The following ENTREP2 variants were observed in gnomAD, a reference collection of about 807,000 sequenced individuals.
ENTREP2 encodes endosomal transmembrane epsin interactor 2, also known as protein ENTREP2.
At chr15:29,296,079 C>T in the ENTREP2 span, among the ~76,000 whole-genome samples, 3 of 152,164 alleles carry the variant, frequency 2.0e-5, no homozygotes, top group Non-Finnish European at 4.4e-5. Context: ...GGCTTTGGAT[C>T]GAACTGTAAC....
At chr15:29,128,939 C>CTGCTGT in the ENTREP2 span, 1 of 984,110 alleles carries the variant, frequency 1.0e-6, no homozygotes, top group Non-Finnish European at 1.5e-6. Context: ...GTAGTGTAGG[C>CTGCTGT]GCTTAAACTT....
the ENTREP2 span, among the ~76,000 whole-genome samples, chr15:29,605,450 C>T: frequency 6.6e-5 from 10 of 152,184 alleles, no homozygotes; most frequent in African/African-American, 2.4e-4. Flanking sequence ...CTGAGTTTGT[C>T]TTATTTCACT....
At chr15:29,538,887 T>C in the ENTREP2 span, among the ~76,000 whole-genome samples, 1 of 152,180 alleles carries the variant, frequency 6.6e-6, no homozygotes, top group South Asian at 2.1e-4. Flanking sequence ...TTGTTCCTCC[T>C]TGGTCTAACA....
chr15:29,406,294 C>T, the ENTREP2 span, among the ~76,000 whole-genome samples: 1 of 152,146 alleles, frequency 6.6e-6, no homozygotes. Flanking sequence ...AGCCTGTAAT[C>T]CCAGCACTTT....
the ENTREP2 span, among the ~76,000 whole-genome samples, chr15:29,284,607 C>G: frequency 3.2e-4 from 48 of 151,274 alleles, no homozygotes; most frequent in African/African-American, 1.1e-3. Context: ...TATCACATTT[C>G]TCACCTGCAA....
chr15:29,306,663 AATTTTTTTTTTTTTT>A, the ENTREP2 span, among the ~76,000 whole-genome samples: 22 of 93,568 alleles, frequency 2.4e-4, no homozygotes, highest in South Asian at 2.3e-3. Context: ...AATAATTGGT[AATTTTTTTTTTTTTT>A]TTTTTTTTTT....
chr15:29,498,958 T>C, the ENTREP2 span, among the ~76,000 whole-genome samples: 1 of 152,196 alleles, frequency 6.6e-6, no homozygotes, highest in African/African-American at 2.4e-5. Context: ...CTGATATAAA[T>C]ATAGCTACCC....
At chr15:29,478,019 A>ATATATATT in the ENTREP2 span, among the ~76,000 whole-genome samples, 2 of 54,286 alleles carry the variant, frequency 3.7e-5, no homozygotes, top group African/African-American at 9.0e-5. Flanking sequence ...ATATATATAT[A>ATATATATT]TTTTTTTTTT....
At chr15:29,421,155 G>A in the ENTREP2 span, among the ~76,000 whole-genome samples, 1 of 152,228 alleles carries the variant, frequency 6.6e-6, no homozygotes, top group Non-Finnish European at 1.5e-5. Flanking sequence ...GCTGAGCTGA[G>A]TCAGTATTAC....
chr15:29,229,561 T>G, the ENTREP2 span, among the ~76,000 whole-genome samples: 1 of 152,200 alleles, frequency 6.6e-6, no homozygotes. Context: ...AACTAAAATG[T>G]CAAAGCAATC....
At chr15:29,415,836 A>AAAATCACAATGT in the ENTREP2 span, among the ~76,000 whole-genome samples, 23 of 152,328 alleles carry the variant, frequency 1.5e-4, no homozygotes, top group African/African-American at 5.3e-4. Flanking sequence ...AAAAATCACA[A>AAAATCACAATGT]GCATTCTTAT....
chr15:29,570,295 A>G, the ENTREP2 span, among the ~76,000 whole-genome samples: 4 of 151,460 alleles, frequency 2.6e-5, no homozygotes, highest in Admixed American at 2.6e-4. Context: ...GCGCAATAGG[A>G]GCGGGAACGC....
At chr15:29,650,311 G>A in the ENTREP2 span, among the ~76,000 whole-genome samples, 2 of 152,178 alleles carry the variant, frequency 1.3e-5, no homozygotes, top group Non-Finnish European at 2.9e-5. Context: ...CAAAAATCTA[G>A]GCCACACGCG....
At chr15:29,656,389 G>A in the ENTREP2 span, among the ~76,000 whole-genome samples, 322 of 152,130 alleles carry the variant, frequency 2.1e-3, 1 homozygote, top group African/African-American at 7.3e-3. Context: ...CCACAGCCGG[G>A]TAGTTTTTCG....
chr15:29,494,294 C>T, the ENTREP2 span, among the ~76,000 whole-genome samples: 50 of 151,716 alleles, frequency 3.3e-4, 1 homozygote, highest in Admixed American at 3.3e-3. Context: ...CCACCAGGTA[C>T]CTAGAAAAAA....
the ENTREP2 span, among the ~76,000 whole-genome samples, chr15:29,185,244 T>C: frequency 1.3e-5 from 2 of 152,122 alleles, no homozygotes; most frequent in East Asian, 1.9e-4. Context: ...CCTGTGATTA[T>C]AGGATTCCCT....
the ENTREP2 span, among the ~76,000 whole-genome samples, chr15:29,320,397 C>G: frequency 6.6e-6 from 1 of 152,158 alleles, no homozygotes; most frequent in Admixed American, 6.5e-5. Flanking sequence ...CTAATAACAG[C>G]CATATTAATA....
the ENTREP2 span, among the ~76,000 whole-genome samples, chr15:29,216,126 G>A: frequency 6.6e-6 from 1 of 152,270 alleles, no homozygotes; most frequent in Admixed American, 6.5e-5. Flanking sequence ...TCAAGATTTA[G>A]AGCTCCTTTT....
chr15:29,481,028 G>A, the ENTREP2 span, among the ~76,000 whole-genome samples: 3 of 152,224 alleles, frequency 2.0e-5, no homozygotes, highest in African/African-American at 4.8e-5. Flanking sequence ...ACAGATGACA[G>A]CAGTAAGCAG....
Sources: gnomAD v4.1 joint callset for allele counts (sites outside exome capture counted in the v4.1 genomes callset) on GRCh38, gnomAD v4.1.1 for gene constraint, MANE v1.5 for transcripts, NCBI Gene and HGNC (gene_info 2026-07-23, HGNC 2026-07-21) for gene names.